Variants in KCNN3 observed in about 807,000 individuals in gnomAD.
The protein encoded by KCNN3 is small conductance calcium-activated potassium channel protein 3.
Under a neutral mutation model 62.9 loss-of-function variants are expected in KCNN3, and 16 were observed. That is an observed-to-expected ratio of 0.25 (90% confidence interval 0.17 to 0.39). KCNN3 has a LOEUF of 0.39. Among genes scored for constraint, KCNN3 ranks in the 10% least tolerant of loss-of-function variants. The probability of loss-of-function intolerance (pLI) is 1.00; values close to 1 mark genes in which losing one functional copy is unlikely to be tolerated. For missense variants in KCNN3, 599 were observed against 949.4 expected (o/e 0.63, Z 4.85); for synonymous variants, 370 against 389.2 (o/e 0.95, Z 0.58).
chr1:154,831,943 C>T (rs556648267), intron 1 of KCNN3, among the ~76,000 whole-genome samples: 19 of 152,140 alleles, frequency 1.2e-4, no homozygotes, highest in Admixed American at 1.1e-3. Context: ...TCATTCTCCA[C>T]GATGACACTG....
intron 3 of KCNN3, among the ~76,000 whole-genome samples, chr1:154,741,861 G>A (rs934949363): frequency 2.0e-5 from 3 of 152,202 alleles, no homozygotes; most frequent in East Asian, 3.8e-4. Flanking sequence ...GGACTGCTTC[G>A]TCCTTGCCTT....
intron 1 of KCNN3, among the ~76,000 whole-genome samples, chr1:154,861,530 C>G (rs1050742308): frequency 2.0e-5 from 3 of 152,182 alleles, no homozygotes; most frequent in Non-Finnish European, 4.4e-5. Context: ...CACACTCTGC[C>G]CCCTCTCCCC....
intron 2 of KCNN3, among the ~76,000 whole-genome samples, chr1:154,800,675 G>A (rs1649918645): frequency 6.6e-6 from 1 of 152,098 alleles, no homozygotes; most frequent in Non-Finnish European, 1.5e-5. Context: ...GACTTCCTGG[G>A]GGCCCATTAA....
intron 3 of KCNN3, among the ~76,000 whole-genome samples, chr1:154,754,082 G>A (rs1647516886): frequency 1.3e-5 from 2 of 152,164 alleles, no homozygotes; most frequent in African/African-American, 4.8e-5. Flanking sequence ...TACTAAAATT[G>A]AACCAAACCG....
chr1:154,732,923 G>A (rs1026985275), intron 4 of KCNN3, 80 bp downstream of exon 4: 45 of 1,521,980 alleles, frequency 3.0e-5, no homozygotes, highest in Non-Finnish European at 3.9e-5. Flanking sequence ...CGGCTAGGAA[G>A]GCCCCTATGT....
chr1:154,836,779 C>T (rs1028071244), intron 1 of KCNN3, among the ~76,000 whole-genome samples: 1 of 152,226 alleles, frequency 6.6e-6, no homozygotes, highest in African/African-American at 2.4e-5. Context: ...AGAGCCGCCG[C>T]CCCTGGGCTC....
rs929990891 is a variant in KCNN3, at chr1:154,753,056, A to G, written c.1448+18919T>C. Among the ~76,000 whole-genome samples, 4 of 152,346 alleles carry G rather than the reference A, an allele frequency of 2.6e-5. No homozygotes were observed. The East Asian group carries it at 7.7e-4, about 29-fold the overall frequency. ...CACATTTACTCTCTAAATAAAATGC[A>G]CAGTTTAAATTATAAACAAGACAAT... On this transcript the variant is annotated intron_variant, in intron 3 of 7. Transcript: ENST00000271915.
chr1:154,719,420 C>T (rs975330149), intron 5 of KCNN3, among the ~76,000 whole-genome samples: 3 of 152,152 alleles, frequency 2.0e-5, no homozygotes, highest in African/African-American at 7.2e-5. Flanking sequence ...TATAGCCTAT[C>T]GCTCCTAGGC....
chr1:154,738,627 G>A (rs572514215), intron 3 of KCNN3, among the ~76,000 whole-genome samples: 13 of 152,352 alleles, frequency 8.5e-5, no homozygotes, highest in South Asian at 6.2e-4. Context: ...AGGACAACCC[G>A]TCCGGGCTGG....
chr1:154,742,507 A>T (rs909121490), intron 3 of KCNN3, among the ~76,000 whole-genome samples: 1 of 152,236 alleles, frequency 6.6e-6, no homozygotes, highest in East Asian at 1.9e-4. Flanking sequence ...AAAGGAGCTG[A>T]TATGTCTAAA....
At chr1:154,818,256 C>A (rs983329604) in intron 2 of KCNN3, among the ~76,000 whole-genome samples, 2 of 152,138 alleles carry the variant, frequency 1.3e-5, no homozygotes, top group African/African-American at 4.8e-5. Context: ...GGCTACCATG[C>A]GGGAAACCAA....
At chr1:154,788,317 C>T (rs375853545) in intron 2 of KCNN3, among the ~76,000 whole-genome samples, 20 of 152,272 alleles carry the variant, frequency 1.3e-4, no homozygotes, top group African/African-American at 4.8e-4. Context: ...ATGTTGGAAG[C>T]ACCATACAAA....
chr1:154,850,918 T>A (rs186874545), intron 1 of KCNN3, among the ~76,000 whole-genome samples: 1 of 152,144 alleles, frequency 6.6e-6, no homozygotes, highest in Non-Finnish European at 1.5e-5. Flanking sequence ...CCAGTGACCT[T>A]CAGGGAGTCA....
intron 3 of KCNN3, among the ~76,000 whole-genome samples, chr1:154,741,452 G>A (rs1469742747): frequency 2.6e-5 from 4 of 152,214 alleles, no homozygotes; most frequent in Non-Finnish European, 4.4e-5. Flanking sequence ...CTACAAAAGT[G>A]AGGCTTGCTT....
intron 2 of KCNN3, among the ~76,000 whole-genome samples, chr1:154,816,281 G>T (rs1176243603): frequency 6.6e-6 from 1 of 151,968 alleles, no homozygotes; most frequent in East Asian, 1.9e-4. Context: ...AGGCAAGAGT[G>T]GATCTCCACC....
intron 3 of KCNN3, among the ~76,000 whole-genome samples, chr1:154,747,033 C>A (rs1018568371): frequency 6.6e-6 from 1 of 152,178 alleles, no homozygotes; most frequent in African/African-American, 2.4e-5. Flanking sequence ...CCCCTGCAAC[C>A]CCGGCCCTCT....
intron 1 of KCNN3, among the ~76,000 whole-genome samples, chr1:154,860,567 C>T (rs185351168): frequency 6.6e-6 from 1 of 152,342 alleles, no homozygotes; most frequent in East Asian, 1.9e-4. Context: ...CTCCGGAGAA[C>T]AGCCCACTTC....
chr1:154,856,247 G>A (rs1008876836), intron 1 of KCNN3, among the ~76,000 whole-genome samples: 5 of 152,186 alleles, frequency 3.3e-5, no homozygotes, highest in Non-Finnish European at 1.5e-5. Flanking sequence ...AGGCAGCAGG[G>A]AGGGAGGCTG....
chr1:154,784,138 G>A (rs1649177853), intron 2 of KCNN3, among the ~76,000 whole-genome samples: 1 of 152,130 alleles, frequency 6.6e-6, no homozygotes, highest in African/African-American at 2.4e-5. Context: ...GAAGCAGTAA[G>A]GCCAAGTGAC....
Sources: gnomAD v4.1 joint callset for allele counts (sites outside exome capture counted in the v4.1 genomes callset) on GRCh38, gnomAD v4.1.1 for gene constraint, MANE v1.5 for transcripts, NCBI Gene and HGNC (gene_info 2026-07-23, HGNC 2026-07-21) for gene names.